Variants in SEM1 observed in about 807,000 individuals in gnomAD.
The protein encoded by SEM1 is SEM1 26S proteasome subunit, also known as 26S proteasome complex subunit SEM1.
In SEM1, 3 loss-of-function variants were observed where a neutral mutation model predicts 12.7. The observed-to-expected ratio is 0.24, with a 90% confidence interval of 0.11 to 0.61. SEM1 has a LOEUF of 0.61. Among genes scored for constraint, SEM1 ranks in the 20% least tolerant of loss-of-function variants. SEM1 has a pLI of 0.88. For missense variants in SEM1, 59 were observed against 81.3 expected (o/e 0.73, Z 1.06); for synonymous variants, 30 against 27.8 (o/e 1.08, Z -0.25).
intron 2 of SEM1, among the ~76,000 whole-genome samples, chr7:96,638,692 A>G (rs1193922813): frequency 6.6e-6 from 1 of 152,002 alleles, no homozygotes; most frequent in Non-Finnish European, 1.5e-5. Flanking sequence ...TATAATATTA[A>G]GAATAACATA....
intron 2 of SEM1, among the ~76,000 whole-genome samples, chr7:96,542,623 T>C (rs1034563860): frequency 1.3e-5 from 2 of 151,918 alleles, no homozygotes; most frequent in Non-Finnish European, 2.9e-5. Flanking sequence ...ATCTCAGTAC[T>C]AATAAAAAGC....
chr7:96,677,241 T>C (rs1345396023), intron 2 of SEM1, among the ~76,000 whole-genome samples: 1 of 152,246 alleles, frequency 6.6e-6, no homozygotes, highest in African/African-American at 2.4e-5. Flanking sequence ...GGGGAGAAGA[T>C]AATCGAGAGA....
intron 2 of SEM1, among the ~76,000 whole-genome samples, chr7:96,554,071 C>T (rs1459228856): frequency 1.3e-5 from 2 of 151,614 alleles, no homozygotes; most frequent in Admixed American, 6.6e-5. Flanking sequence ...GCTGAATTTG[C>T]TTATCAGCTT....
At chr7:96,692,001 C>T (rs1191397552) in intron 2 of SEM1, among the ~76,000 whole-genome samples, 1 of 151,872 alleles carries the variant, frequency 6.6e-6, no homozygotes, top group East Asian at 1.9e-4. Context: ...ATACCTCAGG[C>T]AAAAAACAAC....
chr7:96,582,364 TTC>T (rs1213308584), intron 2 of SEM1, among the ~76,000 whole-genome samples: 1 of 150,540 alleles, frequency 6.6e-6, no homozygotes, highest in East Asian at 1.9e-4. Flanking sequence ...TGCTGCTGGA[TTC>T]TGTTTGCCAG....
At chr7:96,679,393 C>G (rs773574619) in intron 2 of SEM1, among the ~76,000 whole-genome samples, 1 of 151,962 alleles carries the variant, frequency 6.6e-6, no homozygotes, top group Non-Finnish European at 1.5e-5. Context: ...TTTTTGAGTA[C>G]GAGTTTTGAA....
chr7:96,535,940 T>C (rs1028738685), intron 2 of SEM1, among the ~76,000 whole-genome samples: 5 of 151,960 alleles, frequency 3.3e-5, no homozygotes, highest in Admixed American at 3.3e-4. Context: ...TGTGTCTTTA[T>C]GGTAGAATAA....
At chr7:96,628,272 C>CAAATATAACAAAATAACAA (rs1808135638) in intron 2 of SEM1, among the ~76,000 whole-genome samples, 1 of 151,980 alleles carries the variant, frequency 6.6e-6, no homozygotes, top group Non-Finnish European at 1.5e-5. Context: ...TTACTCCTGC[C>CAAATATAACAAAATAACAA]ATTTTGTTAT....
upstream of SEM1, among the ~76,000 whole-genome samples, chr7:96,500,802 T>G (rs1402798995): frequency 6.6e-6 from 1 of 152,164 alleles, no homozygotes; most frequent in Non-Finnish European, 1.5e-5. Context: ...GGAGGTTAGA[T>G]TTTCATCTTG....
rs982923238 is a variant in SEM1, at chr7:96,575,717, T to C, written c.171-69019A>G. On this transcript the variant is annotated intron_variant and NMD_transcript_variant, in intron 2 of 3. Coordinates refer to the SEM1 transcript ENST00000466986. ...TCTGGCTACAGCGGCTTTGTGGCGC[T>C]GCGGTGGGCTCTGCCCACTTTGACT... 8.7e-4 allele frequency among the ~76,000 whole-genome samples: 133 copies of C among 152,304 alleles called. 1 individual carries two copies. Among genetic ancestry groups the C allele is most frequent in the Non-Finnish European group, 6.2e-4 (42 of 68,028 alleles).
chr7:96,531,080 C>G (rs1212970816), intron 2 of SEM1, among the ~76,000 whole-genome samples: 1 of 151,992 alleles, frequency 6.6e-6, no homozygotes. Flanking sequence ...ATTTTAGTTT[C>G]TAAGAGCTAA....
At chr7:96,655,935 A>G (rs10279079) in intron 2 of SEM1, among the ~76,000 whole-genome samples, 51,907 of 152,140 alleles carry the variant, frequency 0.34, 10,663 homozygotes, top group African/African-American at 0.59. Flanking sequence ...AACTGGCTAT[A>G]TAGGAAGAAG....
chr7:96,487,157 G>A (rs772055272), intron 1 of SEM1, among the ~76,000 whole-genome samples: 2 of 150,508 alleles, frequency 1.3e-5, no homozygotes, highest in African/African-American at 2.5e-5. Context: ...ACTAACCTGA[G>A]GTGCAACTTT....
At chr7:96,597,225 G>C (rs888590897) in intron 2 of SEM1, among the ~76,000 whole-genome samples, 10 of 152,090 alleles carry the variant, frequency 6.6e-5, no homozygotes, top group Non-Finnish European at 1.3e-4. Flanking sequence ...TATATGTCTT[G>C]AACTATTAGG....
chr7:96,689,032 C>T lies in SEM1; in HGVS notation c.171-66G>A, dbSNP rs76336681. 2,016 of 973,562 alleles carry T rather than the reference C, an allele frequency of 2.1e-3. 28 individuals carry two copies. In the African/African-American group the frequency reaches 0.029, roughly 14 times the overall value. 60.3% of individuals were successfully genotyped at this position (973,562 alleles called of 1,614,324 possible). ...AATAAACATTCTTTTAGAAACAATA[C>T]AATAAATAAACAAATAAATGAGCTA... On this transcript the variant is annotated intron_variant, in intron 2 of 2. Transcript: ENST00000248566.
intron 2 of SEM1, among the ~76,000 whole-genome samples, chr7:96,677,510 C>T (rs1789483627): frequency 6.6e-6 from 1 of 151,948 alleles, no homozygotes; most frequent in Non-Finnish European, 1.5e-5. Flanking sequence ...GCAAGCAACA[C>T]AAGACAACTT....
exon 4 of SEM1, chr7:96,483,584 C>G (rs1802629717): frequency 2.3e-6 from 1 of 429,134 alleles, no homozygotes; most frequent in African/African-American, 2.0e-5. Flanking sequence ...CACTCTGGAA[C>G]CAGCCTGTTG....
intron 2 of SEM1, among the ~76,000 whole-genome samples, chr7:96,518,569 G>A (rs1244633167): frequency 6.6e-6 from 1 of 152,066 alleles, no homozygotes; most frequent in Non-Finnish European, 1.5e-5. Context: ...TATCACTGCT[G>A]CCAGTTAGTC....
At chr7:96,701,269 T>C (rs1475219362) in intron 1 of SEM1, among the ~76,000 whole-genome samples, 1 of 151,900 alleles carries the variant, frequency 6.6e-6, no homozygotes, top group Non-Finnish European at 1.5e-5. Context: ...AATTCTTATG[T>C]TGAAGCCCTC....
Sources: gnomAD v4.1 joint callset for allele counts (sites outside exome capture counted in the v4.1 genomes callset) on GRCh38, gnomAD v4.1.1 for gene constraint, MANE v1.5 for transcripts, NCBI Gene and HGNC (gene_info 2026-07-23, HGNC 2026-07-21) for gene names.